Variants in CACUL1 observed in about 807,000 individuals in gnomAD.
CACUL1 encodes the protein CDK2-associated and cullin domain-containing protein 1.
CACUL1 carries 13 observed loss-of-function variants against 45.2 expected under a neutral mutation model. The observed-to-expected ratio is 0.29, with a 90% CI of 0.19 to 0.46. The LOEUF is 0.46. Ranked by LOEUF, CACUL1 falls within the 20% of genes least tolerant of loss-of-function variation. The probability of loss-of-function intolerance (pLI) is 1.00; values close to 1 mark genes in which losing one functional copy is unlikely to be tolerated. For missense variants in CACUL1, 421 were observed against 471.4 expected, an observed-to-expected ratio of 0.89 and a Z score of 0.99; for synonymous variants, 197 against 174.2, an observed-to-expected ratio of 1.13 and a Z score of -1.03.
intron 1 of CACUL1, among the ~76,000 whole-genome samples, chr10:118,736,462 T>G (rs1240134014): frequency 1.3e-5 from 2 of 151,978 alleles, no homozygotes; most frequent in Admixed American, 6.6e-5. Context: ...CTCAGCTCAC[T>G]GCAACCTCTC....
chr10:118,750,618 T>TA (rs1180225396), intron 1 of CACUL1, among the ~76,000 whole-genome samples: 6 of 152,196 alleles, frequency 3.9e-5, no homozygotes, highest in Non-Finnish European at 1.5e-5. Flanking sequence ...TTCACTGCCA[T>TA]AGCTGAGGGA....
rs770687817 is a variant in CACUL1 at position 118,754,495 on chromosome 10, T to A, written c.268A>T (p.Met90Leu). 2.5e-6 allele frequency: 4 copies of A among 1,613,036 alleles called. No individual in the cohort carries two copies. The highest frequency in any genetic ancestry group is 3.4e-6 in the Non-Finnish European group (4 of 1,179,588). Residue 90 changes from methionine (M) to leucine (L), a missense_variant, in exon 1 of 9, where the codon ATG (methionine) becomes TTG (leucine). Met to Leu is a conservative substitution (Grantham distance 15). Coordinates refer to ENST00000369151, the MANE Select transcript of CACUL1 (RefSeq NM_153810.5). ...GCGGCCGCGTCGCAGCTCTTCAACA[T>A]CATGATCACCCCATTAGCCTCCGGC... is the stretch of plus-strand genomic sequence containing the variant. ...PPPEANGVIM[M>L]LKSCDAAAAV...
chr10:118,686,044 G>T lies in CACUL1; in HGVS notation c.*84C>A. The T allele has an allele frequency of 1.0e-6, 1 of 967,596 alleles. No individual in the cohort carries two copies. Among genetic ancestry groups the T allele is most frequent in the Non-Finnish European group, 1.7e-6 (1 of 604,074 alleles). The allele number at this position is 967,596 out of a possible 1,614,324, so 59.9% of individuals were successfully genotyped here. A position where few individuals can be genotyped will look rare whatever the true frequency, so the allele number is the denominator to read the frequency against. The stretch of plus-strand genomic sequence containing the variant: ...TTTGTGACAGAGCTCCTGAGTGTGT[G>T]CAGCCCCCACTGTGCTCTGAATACA... On this transcript the variant is annotated 3_prime_UTR_variant, in exon 9 of 9. Coordinates refer to ENST00000369151, the MANE Select transcript of CACUL1 (RefSeq NM_153810.5).
At chr10:118,704,438 T>G (rs1352184487) in intron 4 of CACUL1, among the ~76,000 whole-genome samples, 1 of 152,202 alleles carries the variant, frequency 6.6e-6, no homozygotes. Flanking sequence ...GGCAGTCAAA[T>G]GCCTAGGCAG....
chr10:118,735,087 T>C (rs1845728310), intron 1 of CACUL1, among the ~76,000 whole-genome samples: 1 of 152,234 alleles, frequency 6.6e-6, no homozygotes, highest in Non-Finnish European at 1.5e-5. Context: ...CTAAACAGTA[T>C]ATGACACATG....
At chr10:118,707,174 A>G (rs1462255724) in intron 4 of CACUL1, among the ~76,000 whole-genome samples, 2 of 152,228 alleles carry the variant, frequency 1.3e-5, no homozygotes, top group Admixed American at 6.5e-5. Context: ...AAGAAATCTT[A>G]CATATCTTTA....
In CACUL1 at chr10:118,707,540, T is replaced by C. The variant is rs781701556; in HGVS notation, c.645A>G (p.Gly215=). 3.1e-6 allele frequency: 5 copies of C among 1,590,046 alleles called. No homozygotes were observed. Among genetic ancestry groups the C allele is most frequent in the Non-Finnish European group, 4.3e-6 (5 of 1,158,742 alleles). ...LYIERFNIAL[G]QYMGALQSIV... ...TGCTCTGCAATGCTCCCATATATTG[T>C]CCAAGAGCTATATTAAATCTTTCAA... is the stretch of plus-strand genomic sequence containing the variant. Residue 215 remains glycine, a synonymous_variant, in exon 4 of 9, where the codon GGA becomes GGG. Transcript: ENST00000369151.
intron 3 of CACUL1, among the ~76,000 whole-genome samples, chr10:118,723,982 G>A (rs765995647): frequency 1.3e-5 from 2 of 152,086 alleles, no homozygotes; most frequent in African/African-American, 4.8e-5. Context: ...GGCCAGGCTG[G>A]TCTTTAACTC....
intron 5 of CACUL1, among the ~76,000 whole-genome samples, chr10:118,698,433 C>G (rs11198564): frequency 6.6e-6 from 1 of 152,082 alleles, no homozygotes; most frequent in Non-Finnish European, 1.5e-5. Context: ...TGTGAGCCAT[C>G]GCGCCCAGCC....
rs185131635 is a variant in CACUL1, at chr10:118,719,540, G to A, written c.597+9755C>T. Among the ~76,000 whole-genome samples the A allele has an allele frequency of 1.9e-3, 293 of 152,310 alleles. 2 individuals carry two copies. Among genetic ancestry groups the A allele is most frequent in the African/African-American group, 6.5e-3 (270 of 41,576 alleles). On this transcript the variant is annotated intron_variant, in intron 3 of 8. Transcript: ENST00000369151. ...AAAATGGAATTTCTTGGCCGGATGC[G>A]GTGGCTCACACCTGTAATCCCAGCA...
chr10:118,719,461 T>C (rs200960137), intron 3 of CACUL1, among the ~76,000 whole-genome samples: 1 of 152,184 alleles, frequency 6.6e-6, no homozygotes, highest in Non-Finnish European at 1.5e-5. Context: ...AGATGTGTCA[T>C]GGCCCTAGAA....
chr10:118,695,995 C>T (rs568422703), intron 5 of CACUL1, among the ~76,000 whole-genome samples: 49 of 152,288 alleles, frequency 3.2e-4, no homozygotes, highest in African/African-American at 1.2e-3. Flanking sequence ...TAGGATTTTA[C>T]CCTCAGCCAG....
intron 7 of CACUL1, among the ~76,000 whole-genome samples, chr10:118,689,016 A>T (rs1451277128): frequency 6.6e-6 from 1 of 152,252 alleles, no homozygotes; most frequent in Non-Finnish European, 1.5e-5. Flanking sequence ...AAAAGTGCCC[A>T]TAACAATGAA....
chr10:118,686,128 C>G lies in CACUL1; in HGVS notation c.1110G>C (p.Ter370TyrextTer1). Residue 370 changes from the stop codon to tyrosine, a stop_lost, in exon 9 of 9, where the codon TAG (stop) becomes TAC (tyrosine). Coordinates refer to ENST00000369151, the MANE Select transcript of CACUL1 (RefSeq NM_153810.5). ...AAGGAAAGCATATTCAATACATTCA[C>G]TATCTGTACCCCCTGGAACTTGCAC... ...SACASSRGYR[*>Y] The G allele has an allele frequency of 6.2e-7, 1 of 1,611,330 alleles. No individual in the cohort carries two copies. Among genetic ancestry groups the G allele is most frequent in the Non-Finnish European group, 8.5e-7 (1 of 1,177,544 alleles).
chr10:118,754,660 G>T lies in CACUL1; in HGVS notation c.103C>A (p.Pro35Thr), dbSNP rs1247546062. Residue 35 changes from proline to threonine, a missense_variant, in exon 1 of 9, where the codon CCC (proline) becomes ACC (threonine). Coordinates refer to ENST00000369151, the MANE Select transcript of CACUL1 (RefSeq NM_153810.5). Reference protein sequence around the residue: ...WEAAVDGFRQPLPPPPPPSSI... With the variant: ...WEAAVDGFRQTLPPPPPPSSI... ...GAGGGGGGCGGCGGAGGTGGCAGGGGCTGCCGGAAGCCGTCCACCGCAGCC... is the reference window on the plus strand; with the variant it reads ...GAGGGGGGCGGCGGAGGTGGCAGGGTCTGCCGGAAGCCGTCCACCGCAGCC... The T allele has an allele frequency of 1.2e-6, 2 of 1,606,936 alleles. No individual in the cohort carries two copies. The highest frequency in any genetic ancestry group is 2.7e-5 in the African/African-American group (2 of 73,782).
At chr10:118,753,078 C>T (rs1018927123) in intron 1 of CACUL1, among the ~76,000 whole-genome samples, 4 of 152,110 alleles carry the variant, frequency 2.6e-5, no homozygotes, top group African/African-American at 9.7e-5. Context: ...TTTTTGAACT[C>T]TTCAAAGGAA....
At chr10:118,732,641 T>C (rs1336517553) in intron 1 of CACUL1, among the ~76,000 whole-genome samples, 1 of 152,110 alleles carries the variant, frequency 6.6e-6, no homozygotes, top group African/African-American at 2.4e-5. Flanking sequence ...CTAAGGCCCC[T>C]GTGCTATACT....
In CACUL1 at chr10:118,686,617, A is replaced by G; in HGVS notation, c.1050T>C (p.Ala350=). The G allele has an allele frequency of 6.2e-7, 1 of 1,613,674 alleles. No individual in the cohort carries two copies. ...FTRGDQSRKR[A]GDELAYNSSS... is the part of the protein sequence containing the mutation. ...ACTTACTATAAGCCAACTCATCCCCAGCTCTCTTCCGGGACTGGTCACCCC... is the reference window on the plus strand; with the variant it reads ...ACTTACTATAAGCCAACTCATCCCCGGCTCTCTTCCGGGACTGGTCACCCC... Residue 350 remains alanine (A), a synonymous_variant, in exon 8 of 9, where the codon GCT becomes GCC. Coordinates refer to ENST00000369151, the MANE Select transcript of CACUL1 (RefSeq NM_153810.5).
At chr10:118,705,625 C>G (rs1845425957) in intron 4 of CACUL1, among the ~76,000 whole-genome samples, 1 of 152,030 alleles carries the variant, frequency 6.6e-6, no homozygotes, top group African/African-American at 2.4e-5. Context: ...TTTATTTGAC[C>G]TCTGTAACTT....
Sources: gnomAD v4.1 joint callset for allele counts (sites outside exome capture counted in the v4.1 genomes callset) on GRCh38, gnomAD v4.1.1 for gene constraint, MANE v1.5 for transcripts, NCBI Gene and HGNC (gene_info 2026-07-23, HGNC 2026-07-21) for gene names.